Variants in XPNPEP3 observed in about 807,000 individuals in gnomAD.
XPNPEP3 encodes the protein xaa-Pro aminopeptidase 3.
A neutral mutation model predicts 60.0 loss-of-function variants in XPNPEP3; 41 were observed. The observed-to-expected ratio is 0.68, with a 90% CI of 0.53 to 0.89. The LOEUF (loss-of-function observed/expected upper bound fraction) is 0.89, where lower values mean the gene tolerates loss of function less well. Ranked by LOEUF, XPNPEP3 falls within the 40% of genes least tolerant of loss-of-function variation. The pLI is 0.00. For synonymous variants in XPNPEP3, 212 were observed against 223.2 expected (o/e 0.95, Z 0.45); for missense variants, 598 against 638.9 (o/e 0.94, Z 0.69).
At chr22:40,880,268 A>G (rs529469526) in intron 2 of XPNPEP3, among the ~76,000 whole-genome samples, 3 of 150,440 alleles carry the variant, frequency 2.0e-5, no homozygotes, top group African/African-American at 7.5e-5. Context: ...TGAATAAGTT[A>G]TGGTCTCTTC....
chr22:40,888,334 C>G (rs1214667517), intron 4 of XPNPEP3: 3 of 366,256 alleles, frequency 8.2e-6, no homozygotes, highest in Non-Finnish European at 1.7e-5. Flanking sequence ...GTCTCGACCT[C>G]CTGGGTTCAA....
At chr22:40,861,961 T>C in intron 1 of XPNPEP3, 1 of 1,609,040 alleles carries the variant, frequency 6.2e-7, no homozygotes, top group Non-Finnish European at 8.5e-7. Context: ...GAAGCATATC[T>C]TTGCAGTCCT....
At chr22:40,925,324 G>A (rs562404953) in intron 9 of XPNPEP3, among the ~76,000 whole-genome samples, 1 of 152,310 alleles carries the variant, frequency 6.6e-6, no homozygotes, top group South Asian at 2.1e-4. Context: ...TGTGAAGATT[G>A]ATGTTGTCAG....
chr22:40,861,341 C>G (rs771403225), intron 1 of XPNPEP3: 4 of 1,613,998 alleles, frequency 2.5e-6, no homozygotes, highest in Non-Finnish European at 3.4e-6. Context: ...AAAATGTCAA[C>G]TCTCCATTAT....
chr22:40,926,054 A>G (rs2058233474), intron 9 of XPNPEP3, among the ~76,000 whole-genome samples: 1 of 152,194 alleles, frequency 6.6e-6, no homozygotes, highest in South Asian at 2.1e-4. Context: ...AACCACAATA[A>G]TAATTTTAGT....
intron 9 of XPNPEP3, 121 bp downstream of exon 9, chr22:40,924,603 A>G: frequency 7.2e-7 from 1 of 1,396,468 alleles, no homozygotes; most frequent in Non-Finnish European, 9.9e-7. Flanking sequence ...CACTCACTGC[A>G]ACCTCCGCCC....
At chr22:40,899,205 T>C (rs1223443632) in intron 4 of XPNPEP3, among the ~76,000 whole-genome samples, 3 of 152,142 alleles carry the variant, frequency 2.0e-5, no homozygotes, top group African/African-American at 7.2e-5. Context: ...CTGTGGTTGG[T>C]CTCAGCTGAC....
At chr22:40,907,150 G>C (rs767502527) in intron 4 of XPNPEP3, 1 of 456,940 alleles carries the variant, frequency 2.2e-6, no homozygotes, top group Non-Finnish European at 4.4e-6. Flanking sequence ...GGCCCGGCAC[G>C]GTGGCTCACG....
intron 4 of XPNPEP3, among the ~76,000 whole-genome samples, chr22:40,891,179 CAAAAA>C (rs989825018): frequency 2.3e-5 from 1 of 43,954 alleles, no homozygotes; most frequent in Non-Finnish European, 4.4e-5. Flanking sequence ...CCCATTTCTA[CAAAAA>C]AAAAAAAAAA....
chr22:40,872,769 GATTAT>G (rs1177286959), intron 2 of XPNPEP3, among the ~76,000 whole-genome samples: 12 of 152,078 alleles, frequency 7.9e-5, no homozygotes, highest in Admixed American at 3.9e-4. Context: ...AGATTGTACA[GATTAT>G]ATTATATTAT....
At position 40,884,334 on chromosome 22, in the gene XPNPEP3, C is replaced by CT. The variant is rs1216026499; in HGVS notation, c.590-1964dup. ...CAAAAGTACTTCTCGGTCACCATTC[C>CT]TTTTTTTTTTTTTTTGAAACAGAAT... On this transcript the variant is annotated intron_variant, in intron 3 of 9. Coordinates refer to ENST00000357137, the MANE Select transcript of XPNPEP3 (RefSeq NM_022098.4). Among the ~76,000 whole-genome samples the CT allele has an allele frequency of 4.6e-3, 632 of 138,410 alleles. 8 individuals are homozygous for CT. The highest frequency in any genetic ancestry group is 0.012 in the African/African-American group (445 of 37,900). 90.8% of individuals were successfully genotyped at this position (138,410 alleles called of 152,430 possible).
chr22:40,907,744 G>A (rs750535935), intron 5 of XPNPEP3, 95 bp downstream of exon 5: 11 of 1,191,408 alleles, frequency 9.2e-6, no homozygotes, highest in Non-Finnish European at 1.4e-5. Flanking sequence ...TTGTGATAGT[G>A]ATGACCAGCA....
intron 1 of XPNPEP3, among the ~76,000 whole-genome samples, chr22:40,862,968 G>A (rs1374112779): frequency 1.3e-5 from 2 of 152,182 alleles, no homozygotes; most frequent in Non-Finnish European, 2.9e-5. Context: ...GGGGCAGAGC[G>A]CTACTTTAGA....
At chr22:40,914,958 A>C (rs2058190618) in intron 7 of XPNPEP3, among the ~76,000 whole-genome samples, 1 of 151,950 alleles carries the variant, frequency 6.6e-6, no homozygotes, top group Non-Finnish European at 1.5e-5. Flanking sequence ...CCTTCTTACA[A>C]GGTCAGCACA....
intron 2 of XPNPEP3, among the ~76,000 whole-genome samples, chr22:40,879,893 G>A (rs1053884813): frequency 4.0e-5 from 6 of 151,696 alleles, no homozygotes; most frequent in Non-Finnish European, 7.4e-5. Context: ...CAGGCCTGGT[G>A]GCTCACGCCT....
intron 4 of XPNPEP3, among the ~76,000 whole-genome samples, chr22:40,902,057 C>T (rs2146265697): frequency 6.7e-6 from 1 of 150,338 alleles, no homozygotes; most frequent in Non-Finnish European, 1.5e-5. Context: ...TCTAAACATT[C>T]CTTACTTTTC....
intron 2 of XPNPEP3, among the ~76,000 whole-genome samples, chr22:40,878,808 G>C (rs1260638547): frequency 6.6e-6 from 1 of 152,050 alleles, no homozygotes; most frequent in Non-Finnish European, 1.5e-5. Flanking sequence ...GACTGGCCTT[G>C]AACTCCTGAC....
chr22:40,908,949 T>G (rs752498754), intron 5 of XPNPEP3, among the ~76,000 whole-genome samples, 173 bp from the exon 6 acceptor site: 1 of 152,100 alleles, frequency 6.6e-6, no homozygotes, highest in Non-Finnish European at 1.5e-5. Flanking sequence ...GGGGTGAGAA[T>G]AAAAGAAATG....
intron 3 of XPNPEP3, among the ~76,000 whole-genome samples, chr22:40,884,749 G>A (rs1278444743): frequency 1.3e-5 from 2 of 151,798 alleles, no homozygotes; most frequent in Non-Finnish European, 2.9e-5. Context: ...CAATTGGCCG[G>A]GTGCAGTGGC....
Sources: gnomAD v4.1 joint callset for allele counts (sites outside exome capture counted in the v4.1 genomes callset) on GRCh38, gnomAD v4.1.1 for gene constraint, MANE v1.5 for transcripts, NCBI Gene and HGNC (gene_info 2026-07-23, HGNC 2026-07-21) for gene names.